Variants in SGCD observed in about 807,000 individuals in gnomAD.
SGCD encodes delta-sarcoglycan.
In SGCD, 18 loss-of-function variants were observed where a neutral mutation model predicts 36.6. The ratio of observed to expected loss-of-function variants is 0.49; its 90% CI spans 0.34 to 0.73. The LOEUF is 0.73. SGCD is among the 30% of genes least tolerant of loss of function. The pLI, the probability that SGCD is intolerant of heterozygous loss-of-function variation, is 0.01. For synonymous variants in SGCD, 133 were observed against 130.6 expected (o/e 1.02, Z -0.12); for missense variants, 387 against 346.7 (o/e 1.12, Z -0.92).
At chr5:156,076,437 C>G (rs2127590161) in intron 1 of SGCD, among the ~76,000 whole-genome samples, 1 of 152,064 alleles carries the variant, frequency 6.6e-6, no homozygotes, top group East Asian at 1.9e-4. Context: ...TTGTTCAGTT[C>G]AAAATTAAAC....
chr5:155,821,119 A>G, the SGCD span, among the ~76,000 whole-genome samples: 1 of 152,212 alleles, frequency 6.6e-6, no homozygotes, highest in Non-Finnish European at 1.5e-5. Context: ...GCAATAGAAC[A>G]ACTCTAATTA....
chr5:155,747,152 G>T, the SGCD span, among the ~76,000 whole-genome samples: 2 of 152,038 alleles, frequency 1.3e-5, no homozygotes, highest in African/African-American at 4.8e-5. Flanking sequence ...TACTTTTCTG[G>T]TTTATATATA....
In SGCD at chr5:156,263,807, T is replaced by C. The variant is rs1474653292; in HGVS notation, c.-43-65727T>C. Among the ~76,000 whole-genome samples the C allele has an allele frequency of 2.0e-5, 3 of 152,298 alleles. No individual in the cohort carries two copies. The East Asian group carries it at 5.8e-4, about 29-fold the overall frequency. The stretch of plus-strand genomic sequence containing the variant: ...GAAGATCCAGCTTCATTCTTCTACT[T>C]GTGGCTTGTCAATTATCCCAGCACC... On this transcript the variant is annotated intron_variant, in intron 3 of 9. Transcript: ENST00000517913.
the SGCD span, among the ~76,000 whole-genome samples, chr5:155,759,306 G>A: frequency 1.3e-5 from 2 of 152,146 alleles, no homozygotes; most frequent in Non-Finnish European, 2.9e-5. Context: ...GAACATTATG[G>A]TGTTGCAAGT....
At chr5:155,811,304 C>G in the SGCD span, among the ~76,000 whole-genome samples, 84 of 151,968 alleles carry the variant, frequency 5.5e-4, no homozygotes, top group Non-Finnish European at 1.0e-3. Context: ...ACAACAACAA[C>G]AAATTGTGGG....
At chr5:156,647,712 T>G (rs545887965) in intron 7 of SGCD, among the ~76,000 whole-genome samples, 176 bp downstream of exon 7, 1 of 152,168 alleles carries the variant, frequency 6.6e-6, no homozygotes, top group African/African-American at 2.4e-5. Context: ...TATGAGAACT[T>G]AAAATTGAGG....
At chr5:156,506,760 G>A (rs557250774) in intron 3 of SGCD, among the ~76,000 whole-genome samples, 88 of 152,290 alleles carry the variant, frequency 5.8e-4, no homozygotes, top group Non-Finnish European at 1.0e-3. Flanking sequence ...ATACTAGGTG[G>A]AAGATGTTAG....
intron 3 of SGCD, among the ~76,000 whole-genome samples, chr5:156,248,542 GCTGT>G (rs1323986925): frequency 2.6e-5 from 4 of 151,866 alleles, no homozygotes; most frequent in East Asian, 3.9e-4. Context: ...AAAAACCAAG[GCTGT>G]CTAAGTACAG....
chr5:155,788,956 T>C, the SGCD span, among the ~76,000 whole-genome samples: 1 of 152,126 alleles, frequency 6.6e-6, no homozygotes, highest in Non-Finnish European at 1.5e-5. Flanking sequence ...ACTAGGGTGA[T>C]TGGAGAAAGC....
At chr5:156,564,559 G>A (rs11135273) in intron 4 of SGCD, among the ~76,000 whole-genome samples, 61,489 of 151,974 alleles carry the variant, frequency 0.4, 12,910 homozygotes, top group Non-Finnish European at 0.47. Context: ...CATTAAGTAC[G>A]CTCAGTGTTC....
At chr5:156,341,126 A>T (rs1306879415) in intron 2 of SGCD, among the ~76,000 whole-genome samples, 1 of 152,150 alleles carries the variant, frequency 6.6e-6, no homozygotes, top group Non-Finnish European at 1.5e-5. Context: ...AAAAGATCCA[A>T]GTTATAATTC....
At chr5:156,397,123 T>A (rs543822008) in intron 3 of SGCD, among the ~76,000 whole-genome samples, 1 of 152,336 alleles carries the variant, frequency 6.6e-6, no homozygotes, top group East Asian at 1.9e-4. Context: ...GGCTGGCATT[T>A]GGGTTATATA....
intron 3 of SGCD, among the ~76,000 whole-genome samples, chr5:156,503,789 T>C (rs958520343): frequency 2.0e-5 from 3 of 152,180 alleles, no homozygotes; most frequent in African/African-American, 7.2e-5. Flanking sequence ...GTACATGAGG[T>C]ATAGTGTACA....
chr5:156,756,636 A>G (rs1257864301), intron 7 of SGCD, among the ~76,000 whole-genome samples: 1 of 152,246 alleles, frequency 6.6e-6, no homozygotes, highest in Non-Finnish European at 1.5e-5. Flanking sequence ...GCTTCCTCCT[A>G]AGGAGTATTA....
chr5:155,903,498 C>A (rs61533738), intron 1 of SGCD, among the ~76,000 whole-genome samples: 20,323 of 152,080 alleles, frequency 0.13, 1,874 homozygotes, highest in African/African-American at 0.26. Context: ...CCCATGCCCA[C>A]CCATTATTCC....
Position 156,035,859 on chromosome 5 carries a change from G to T in SGCD, c.-281-82019G>T, listed in dbSNP as rs1474289551. ...ATCTTGAAGCGTAGCATTTTGGTGA[G>T]CAAAGTATCAAAATGGTGTTTAGGA... On this transcript the variant is annotated intron_variant, in intron 1 of 9. Coordinates refer to the SGCD transcript ENST00000517913. Among the ~76,000 whole-genome samples the T allele has an allele frequency of 2.0e-5, 3 of 152,116 alleles. No individual in the cohort carries two copies. In the East Asian group the frequency reaches 5.8e-4, roughly 29 times the overall value.
chr5:155,869,718 G>A (rs112414939), upstream of SGCD, among the ~76,000 whole-genome samples: 13 of 151,830 alleles, frequency 8.6e-5, no homozygotes, highest in African/African-American at 2.7e-4. Flanking sequence ...ACTGTCCTGC[G>A]GGCCGGGCAT....
chr5:156,087,640 CAAAAA>C (rs146938753), intron 1 of SGCD, among the ~76,000 whole-genome samples: 2 of 79,876 alleles, frequency 2.5e-5, no homozygotes, highest in Admixed American at 2.7e-4. Flanking sequence ...AACTCCATCT[CAAAAA>C]AAAAAAAAAA....
At position 156,319,633 on chromosome 5, in the gene SGCD, A is replaced by G. The variant is rs137945959; in HGVS notation, c.-43-9901A>G. ...TTCCCATAGTGAGTGAAGAGGTGATACAGTGAATCATCTCCTAGAATCACA... is the reference window on the plus strand; with the variant it reads ...TTCCCATAGTGAGTGAAGAGGTGATGCAGTGAATCATCTCCTAGAATCACA... On this transcript the variant is annotated intron_variant, in intron 3 of 9. Coordinates refer to the SGCD transcript ENST00000517913. Among the ~76,000 whole-genome samples, 163 of 152,330 alleles carry G rather than the reference A, an allele frequency of 1.1e-3. 1 individual carries two copies. The highest frequency in any genetic ancestry group is 3.8e-3 in the African/African-American group (158 of 41,578).
Sources: gnomAD v4.1 joint callset for allele counts (sites outside exome capture counted in the v4.1 genomes callset) on GRCh38, gnomAD v4.1.1 for gene constraint, MANE v1.5 for transcripts, NCBI Gene and HGNC (gene_info 2026-07-23, HGNC 2026-07-21) for gene names.